RIC8B: variants seen among roughly 807,000 people sequenced by gnomAD.
The protein encoded by RIC8B is RIC8 guanine nucleotide exchange factor B.
Under a neutral mutation model 57.5 loss-of-function variants are expected in RIC8B, and 16 were observed. That is an observed-to-expected ratio of 0.28 (90% CI 0.19 to 0.42). The LOEUF (loss-of-function observed/expected upper bound fraction) is 0.42. Among genes scored for constraint, RIC8B ranks in the 10% least tolerant of loss-of-function variants. The pLI is 1.00. For missense variants in RIC8B, 481 were observed against 677.0 expected, an observed-to-expected ratio of 0.71 and a Z score of 3.21; for synonymous variants, 216 against 250.8, an observed-to-expected ratio of 0.86 and a Z score of 1.31.
intron 2 of RIC8B, among the ~76,000 whole-genome samples, chr12:106,799,476 C>T (rs1430932622): frequency 2.0e-5 from 3 of 151,934 alleles, no homozygotes; most frequent in South Asian, 2.1e-4. Context: ...GATTACCTAG[C>T]CACAGGGGCA....
intron 9 of RIC8B, among the ~76,000 whole-genome samples, chr12:106,874,262 A>G (rs569387297): frequency 7.9e-5 from 12 of 152,282 alleles, no homozygotes; most frequent in African/African-American, 2.2e-4. Flanking sequence ...GCATTGTACT[A>G]TTGGTTAGTT....
chr12:106,795,320 A>G (rs555176732), intron 2 of RIC8B, among the ~76,000 whole-genome samples: 12 of 152,264 alleles, frequency 7.9e-5, no homozygotes, highest in Non-Finnish European at 1.3e-4. Context: ...CGCCAAGACA[A>G]TTTAGGACAT....
At chr12:106,883,025 G>C (rs1005887564) in intron 9 of RIC8B, among the ~76,000 whole-genome samples, 2 of 152,148 alleles carry the variant, frequency 1.3e-5, no homozygotes, top group African/African-American at 2.4e-5. Context: ...TTACTTCTGG[G>C]TTTAGATGAG....
chr12:106,790,752 C>T (rs767838776), intron 2 of RIC8B, among the ~76,000 whole-genome samples: 1 of 152,286 alleles, frequency 6.6e-6, no homozygotes, highest in Non-Finnish European at 1.5e-5. Context: ...CCAGCTCTTT[C>T]ACATATAAGA....
At chr12:106,880,915 G>A (rs529427401) in intron 9 of RIC8B, among the ~76,000 whole-genome samples, 5 of 152,190 alleles carry the variant, frequency 3.3e-5, no homozygotes, top group Admixed American at 6.5e-5. Context: ...GTAAATCTTC[G>A]TGATGAAAGT....
intron 3 of RIC8B, among the ~76,000 whole-genome samples, chr12:106,815,587 C>T (rs1238226906): frequency 2.0e-5 from 3 of 152,118 alleles, no homozygotes; most frequent in African/African-American, 4.8e-5. Flanking sequence ...TTAAGAGTGC[C>T]GCTTTCAGGA....
At chr12:106,797,982 C>G in intron 2 of RIC8B, 2 of 701,824 alleles carry the variant, frequency 2.8e-6, no homozygotes. Context: ...TTTAGGCACC[C>G]GAAATGTGAG....
chr12:106,864,445 C>A (rs148863271), intron 8 of RIC8B, among the ~76,000 whole-genome samples: 279 of 152,130 alleles, frequency 1.8e-3, no homozygotes, highest in African/African-American at 6.0e-3. Context: ...TTTCTAAGAA[C>A]TAGACAAATA....
chr12:106,830,402 T>C (rs1365408621), intron 4 of RIC8B, among the ~76,000 whole-genome samples: 3 of 152,238 alleles, frequency 2.0e-5, no homozygotes, highest in East Asian at 3.8e-4. Flanking sequence ...CAAAGGTGAA[T>C]ACAGCACAGT....
At chr12:106,818,453 C>A (rs186890860) in intron 3 of RIC8B, among the ~76,000 whole-genome samples, 1 of 151,866 alleles carries the variant, frequency 6.6e-6, no homozygotes, top group Non-Finnish European at 1.5e-5. Flanking sequence ...CATGAGCCAC[C>A]GCGCCCGGCC....
intron 2 of RIC8B, among the ~76,000 whole-genome samples, chr12:106,814,037 G>A (rs1433354184): frequency 6.6e-6 from 1 of 152,192 alleles, no homozygotes; most frequent in Non-Finnish European, 1.5e-5. Context: ...TGTACAGTCT[G>A]TGCCCTACAG....
intron 3 of RIC8B, among the ~76,000 whole-genome samples, chr12:106,819,735 GGAA>G (rs1040477369): frequency 1.7e-5 from 2 of 117,048 alleles, no homozygotes; most frequent in Non-Finnish European, 3.5e-5. Context: ...CAGCGTCTCA[GGAA>G]AAAAAAAAAA....
intron 4 of RIC8B, among the ~76,000 whole-genome samples, chr12:106,828,733 AT>A (rs1448449120): frequency 1.3e-5 from 2 of 152,216 alleles, no homozygotes; most frequent in African/African-American, 4.8e-5. Context: ...TGCTACTTCT[AT>A]TAGTATTATG....
chr12:106,864,277 T>C (rs1399394639), intron 8 of RIC8B, among the ~76,000 whole-genome samples: 2 of 152,092 alleles, frequency 1.3e-5, no homozygotes, highest in East Asian at 1.9e-4. Context: ...TTAATGAAGA[T>C]TACACATGCA....
At chr12:106,875,167 A>C (rs1486843265) in intron 9 of RIC8B, among the ~76,000 whole-genome samples, 1 of 152,108 alleles carries the variant, frequency 6.6e-6, no homozygotes, top group Non-Finnish European at 1.5e-5. Flanking sequence ...TGGCTTATTT[A>C]AATATTGGGG....
chr12:106,792,403 T>A (rs2044297121), intron 2 of RIC8B, among the ~76,000 whole-genome samples: 1 of 152,150 alleles, frequency 6.6e-6, no homozygotes, highest in Non-Finnish European at 1.5e-5. Context: ...TTTTTAAGAT[T>A]TCTGTCTGGG....
At chr12:106,779,918 G>A (rs1593062055) in intron 1 of RIC8B, among the ~76,000 whole-genome samples, 1 of 135,544 alleles carries the variant, frequency 7.4e-6, no homozygotes, top group Non-Finnish European at 1.5e-5. Context: ...AGAGTTGGGG[G>A]TCTCACCATG....
intron 7 of RIC8B, among the ~76,000 whole-genome samples, chr12:106,859,457 T>A (rs1045950817): frequency 2.6e-5 from 4 of 152,060 alleles, no homozygotes; most frequent in Admixed American, 6.6e-5. Context: ...CTTTTTTTTT[T>A]AAACTAAGAT....
At chr12:106,791,343 A>T (rs919054199) in intron 2 of RIC8B, among the ~76,000 whole-genome samples, 2 of 152,218 alleles carry the variant, frequency 1.3e-5, no homozygotes, top group Admixed American at 6.5e-5. Flanking sequence ...TGATATAAGC[A>T]TAGGTTCATT....
Sources: gnomAD v4.1 joint callset for allele counts (sites outside exome capture counted in the v4.1 genomes callset) on GRCh38, gnomAD v4.1.1 for gene constraint, MANE v1.5 for transcripts, NCBI Gene and HGNC (gene_info 2026-07-23, HGNC 2026-07-21) for gene names.